Variants in CSNK2A2 observed in about 807,000 individuals in gnomAD.
CSNK2A2 encodes casein kinase II subunit alpha'.
In CSNK2A2, 8 loss-of-function variants were observed where a neutral mutation model predicts 54.0. The ratio of observed to expected loss-of-function variants is 0.15; its 90% CI spans 0.09 to 0.27. The LOEUF (loss-of-function observed/expected upper bound fraction) is 0.27, where lower values mean the gene tolerates loss of function less well. Among genes scored for constraint, CSNK2A2 ranks in the 10% least tolerant of loss-of-function variants. The probability of loss-of-function intolerance (pLI) is 1.00; values close to 1 mark genes in which losing one functional copy is unlikely to be tolerated. For synonymous variants in CSNK2A2, 141 were observed against 153.9 expected, an observed-to-expected ratio of 0.92 and a Z score of 0.62; for missense variants, 242 against 439.4, an observed-to-expected ratio of 0.55 and a Z score of 4.02.
intron 10 of CSNK2A2, among the ~76,000 whole-genome samples, chr16:58,164,678 T>C (rs1961510219): frequency 6.6e-6 from 1 of 152,310 alleles, no homozygotes; most frequent in East Asian, 1.9e-4. Context: ...TAAAAACAGC[T>C]TTCTGTGCCA....
Position 58,197,553 on chromosome 16 carries a change from G to A in CSNK2A2, c.104+80C>T, listed in dbSNP as rs977364425. On this transcript the variant is annotated intron_variant, in intron 1 of 11. Transcript: ENST00000262506. This position sits in a 1 kb window ranked among gnomAD's most constrained non-coding sequence, Gnocchi z 4.0. The stretch of plus-strand genomic sequence containing the variant: ...GGAGGGGTCGGCGGGAGACACCACC[G>A]GGCCCGAGTGCGGTTCGCAGGGGGT... The A allele has an allele frequency of 5.4e-6, 5 of 929,176 alleles. 1 individual carries two copies. The highest frequency in any genetic ancestry group is 7.8e-6 in the Non-Finnish European group (5 of 639,130). 57.6% of individuals were successfully genotyped at this position (929,176 alleles called of 1,614,324 possible).
At position 58,165,598 on chromosome 16, in the gene CSNK2A2, C is replaced by A; in HGVS notation, c.938G>T (p.Arg313Ile). The change falls in exon 10 of 12, where the codon AGA (arginine) becomes ATA (isoleucine). Residue 313 changes from arginine to isoleucine, a missense_variant. Physicochemically the swap from Arg to Ile is moderately conservative, Grantham distance 97 (BLOSUM62 -3). This residue lies in a region of CSNK2A2 where 81 missense variants were observed against 135.0 expected (regional missense o/e 0.60). Transcript: ENST00000262506. ...CTCCATGGCCTCTTTGGCAGTCAGT[C>A]TCTGTTGATGGTCGTATCGCAGAAG... Reference protein sequence around the residue: ...DKLLRYDHQQRLTAKEAMEHP... With the variant: ...DKLLRYDHQQILTAKEAMEHP... 6.2e-7 allele frequency: 1 copy of A among 1,613,952 alleles called. No homozygotes were observed. Among genetic ancestry groups the A allele is most frequent in the Non-Finnish European group, 8.5e-7 (1 of 1,179,934 alleles).
In CSNK2A2 at chr16:58,180,091, A is replaced by AAG. The variant is rs1165470073; in HGVS notation, c.369+4168_369+4169insCT. Reference sequence around the variant, plus strand: ...GAGACTCCTTCTCAAAAAAAAAAAAAAAAAGAAAAAGAGAAACAGAATCCA... The same window carrying AAG: ...GAGACTCCTTCTCAAAAAAAAAAAAAAGAAAAGAAAAAGAGAAACAGAATCCA... On this transcript the variant is annotated intron_variant, in intron 4 of 11. Coordinates refer to ENST00000262506, the MANE Select transcript of CSNK2A2 (RefSeq NM_001896.4). Among the ~76,000 whole-genome samples the AAG allele has an allele frequency of 5.9e-3, 900 of 151,516 alleles. 12 individuals carry two copies. Among genetic ancestry groups the AAG allele is most frequent in the African/African-American group, 0.021 (850 of 41,258 alleles).
At chr16:58,172,307 T>C (rs924737484) in intron 5 of CSNK2A2, among the ~76,000 whole-genome samples, 2 of 152,134 alleles carry the variant, frequency 1.3e-5, no homozygotes, top group South Asian at 4.1e-4. Context: ...TTTCCCTCTG[T>C]TTTATAATAA....
chr16:58,196,978 C>T (rs1962471576), intron 1 of CSNK2A2, 134 bp from the exon 2 acceptor site: 2 of 710,202 alleles, frequency 2.8e-6, no homozygotes, highest in Admixed American at 3.8e-5. Flanking sequence ...CAACTCATTC[C>T]CTAAATGAAA....
At chr16:58,193,326 C>T (rs1962361027) in intron 2 of CSNK2A2, among the ~76,000 whole-genome samples, 1 of 151,076 alleles carries the variant, frequency 6.6e-6, no homozygotes, top group African/African-American at 2.5e-5. Context: ...ACACTACCTA[C>T]TGACAACACA....
chr16:58,166,420 T>C (rs1597109568), intron 9 of CSNK2A2, among the ~76,000 whole-genome samples, 164 bp downstream of exon 9: 1 of 152,256 alleles, frequency 6.6e-6, no homozygotes, highest in East Asian at 1.9e-4. Context: ...TTAAAAGACA[T>C]AAAGTCCAAA....
intron 2 of CSNK2A2, among the ~76,000 whole-genome samples, chr16:58,195,830 T>G (rs978859744): frequency 2.6e-5 from 4 of 152,268 alleles, no homozygotes; most frequent in African/African-American, 9.6e-5. Flanking sequence ...CAATTATTAC[T>G]TTAGTAATTA....
chr16:58,178,898 A>C lies in CSNK2A2; in HGVS notation c.370-4388T>G, dbSNP rs551965060. Among the ~76,000 whole-genome samples, 12 of 152,344 alleles carry C rather than the reference A, an allele frequency of 7.9e-5. No homozygotes were observed. In the East Asian group the frequency reaches 1.9e-3, roughly 24 times the overall value. On this transcript the variant is annotated intron_variant, in intron 4 of 11. Coordinates refer to ENST00000262506, the MANE Select transcript of CSNK2A2 (RefSeq NM_001896.4). ...ACAAATTCCAAATAATTAACATTAT[A>C]TAGGTCACGTTCTCTGAACATAGTG...
At chr16:58,164,239 C>T (rs1279080329) in intron 10 of CSNK2A2, 92 bp from the exon 11 acceptor site, 1 of 1,176,682 alleles carries the variant, frequency 8.5e-7, no homozygotes, top group African/African-American at 1.5e-5. Context: ...GAAAGAGAGA[C>T]AGACTGATGG....
chr16:58,182,877 T>C (rs1428230251), intron 4 of CSNK2A2, among the ~76,000 whole-genome samples: 3 of 152,112 alleles, frequency 2.0e-5, no homozygotes, highest in Non-Finnish European at 4.4e-5. Flanking sequence ...AATGAAAAAA[T>C]TTACACCCTG....
At chr16:58,187,718 T>C (rs1962226092) in intron 2 of CSNK2A2, among the ~76,000 whole-genome samples, 1 of 152,390 alleles carries the variant, frequency 6.6e-6, no homozygotes, top group South Asian at 2.1e-4. Flanking sequence ...GTTATTTTCA[T>C]ATTTTTAGTA....
Position 58,184,284 on chromosome 16 carries a change from T to C in CSNK2A2, c.345A>G (p.Glu115=), listed in dbSNP as rs138081655. ...PVSKTPALVF[E]YINNTDFKQL... is the part of the protein sequence containing the mutation. Reference sequence around the variant, plus strand: ...CCTTAAAATCTGTATTATTGATATATTCAAATACCAAAGCTGGTGTCTTTG... The same window carrying C: ...CCTTAAAATCTGTATTATTGATATACTCAAATACCAAAGCTGGTGTCTTTG... Residue 115 remains glutamate (E), a synonymous_variant, in exon 4 of 12, where the codon GAA becomes GAG. Coordinates refer to ENST00000262506, the MANE Select transcript of CSNK2A2 (RefSeq NM_001896.4). 534 of 1,604,252 alleles carry C rather than the reference T, an allele frequency of 3.3e-4. No individual in the cohort carries two copies. Among genetic ancestry groups the C allele is most frequent in the Non-Finnish European group, 4.4e-4 (516 of 1,173,070 alleles).
At chr16:58,192,634 CCTTT>C (rs1962346697) in intron 2 of CSNK2A2, 1 of 152,196 alleles carries the variant, frequency 6.6e-6, no homozygotes. Flanking sequence ...TCAAACACTT[CCTTT>C]GAGAAAAATA....
At chr16:58,178,841 G>C (rs778246451) in intron 4 of CSNK2A2, among the ~76,000 whole-genome samples, 2 of 152,120 alleles carry the variant, frequency 1.3e-5, no homozygotes, top group African/African-American at 2.4e-5. Context: ...TATAACAAAT[G>C]ATCATGTACT....
chr16:58,192,867 C>T (rs1962351082), intron 2 of CSNK2A2: 1 of 152,266 alleles, frequency 6.6e-6, no homozygotes, highest in Non-Finnish European at 1.5e-5. Context: ...CATCCTTTCT[C>T]TGGGTCTTGG....
intron 4 of CSNK2A2, among the ~76,000 whole-genome samples, chr16:58,178,718 T>C (rs781708163): frequency 7.2e-5 from 11 of 152,184 alleles, no homozygotes; most frequent in Non-Finnish European, 4.4e-5. Flanking sequence ...ATATGAAGCA[T>C]AAAAACTGCT....
chr16:58,190,866 T>C (rs1290796941), intron 2 of CSNK2A2, among the ~76,000 whole-genome samples: 1 of 152,208 alleles, frequency 6.6e-6, no homozygotes, highest in East Asian at 1.9e-4. Flanking sequence ...ATCCAGCAAT[T>C]CCACTTCTGG....
chr16:58,168,260 A>G (rs1419494623), intron 6 of CSNK2A2, among the ~76,000 whole-genome samples: 2 of 152,108 alleles, frequency 1.3e-5, no homozygotes, highest in African/African-American at 4.8e-5. Context: ...GTTGGATATC[A>G]AAAATAGGAG....
Sources: allele counts gnomAD v4.1 joint callset (sites outside exome capture counted in the v4.1 genomes callset), GRCh38; gene constraint gnomAD v4.1.1; regional missense constraint gnomAD v4.1.1; non-coding constraint Gnocchi (gnomAD v3.1); transcripts MANE v1.5; gene names NCBI Gene and HGNC (gene_info 2026-07-23, HGNC 2026-07-21).